The following CEACAM18 variants were observed in gnomAD, a reference collection of about 807,000 sequenced individuals.
CEACAM18 encodes cell adhesion molecule CEACAM18.
Under a neutral mutation model 34.3 loss-of-function variants are expected in CEACAM18, and 33 were observed. The ratio of observed to expected loss-of-function variants is 0.96; its 90% CI spans 0.73 to 1.29. The LOEUF (loss-of-function observed/expected upper bound fraction) is 1.29. CEACAM18 is among the 50% of genes most tolerant of loss of function. The probability of loss-of-function intolerance (pLI) is 0.00; values close to 1 mark genes in which losing one functional copy is unlikely to be tolerated. For missense variants in CEACAM18, 474 were observed against 485.0 expected (o/e 0.98, Z 0.21); for synonymous variants, 169 against 180.9 (o/e 0.93, Z 0.53).
chr19:51,486,884 A>T (rs758795987), intron 5 of CEACAM18, among the ~76,000 whole-genome samples: 107 of 147,296 alleles, frequency 7.3e-4, no homozygotes, highest in Non-Finnish European at 1.2e-3. Context: ...CACCTGGCTA[A>T]TTTTTTTGTT....
At chr19:51,488,039 A>G (rs186517759) in intron 5 of CEACAM18, among the ~76,000 whole-genome samples, 4 of 152,338 alleles carry the variant, frequency 2.6e-5, no homozygotes, top group Admixed American at 2.6e-4. Context: ...GAGTAAAAAC[A>G]AAACCAAACA....
chr19:51,488,061 A>C (rs1308012753), intron 5 of CEACAM18, among the ~76,000 whole-genome samples: 2 of 152,184 alleles, frequency 1.3e-5, no homozygotes, highest in Non-Finnish European at 2.9e-5. Context: ...AACCAGAAAA[A>C]GTAGAAAGAG....
At chr19:51,480,505 C>T in exon 2 of CEACAM18, 1 of 1,613,946 alleles carries the variant, frequency 6.2e-7, no homozygotes, top group Non-Finnish European at 8.5e-7. Flanking sequence ...TGATTATCAG[C>T]CACAAACCGC....
chr19:51,481,296 G>T, intron 2 of CEACAM18, 97 bp from the exon 3 acceptor site: 2 of 1,321,434 alleles, frequency 1.5e-6, no homozygotes, highest in South Asian at 1.4e-5. Flanking sequence ...ACAGCTCTTG[G>T]CTTCTCTCCA....
intron 4 of CEACAM18, among the ~76,000 whole-genome samples, chr19:51,483,748 T>C (rs1438482681): frequency 6.6e-6 from 1 of 152,140 alleles, no homozygotes; most frequent in Non-Finnish European, 1.5e-5. Context: ...CCTCAACTGC[T>C]CCCTTCAGCT....
chr19:51,480,976 C>A (rs540394760), intron 2 of CEACAM18, among the ~76,000 whole-genome samples: 4 of 152,260 alleles, frequency 2.6e-5, no homozygotes, highest in Admixed American at 6.5e-5. Context: ...TGGGGAGGAA[C>A]CCACCATTGT....
chr19:51,486,710 C>CTTTTTT (rs1327201659), intron 5 of CEACAM18, among the ~76,000 whole-genome samples: 46 of 144,492 alleles, frequency 3.2e-4, no homozygotes, highest in African/African-American at 4.2e-4. Context: ...TTCTTTCTTT[C>CTTTTTT]TTTCTTTTCT....
intron 5 of CEACAM18, 121 bp downstream of exon 5, chr19:51,485,243 G>T (rs1265085769): frequency 1.8e-5 from 18 of 1,025,002 alleles, no homozygotes; most frequent in East Asian, 2.7e-5. Flanking sequence ...GAACTAGGTT[G>T]TCAGGGATCA....
intron 5 of CEACAM18, among the ~76,000 whole-genome samples, chr19:51,488,191 G>A (rs1462203776): frequency 6.6e-6 from 1 of 152,176 alleles, no homozygotes; most frequent in Non-Finnish European, 1.5e-5. Context: ...AGAGAAAAGG[G>A]GATTGCAAAA....
exon 6 of CEACAM18, chr19:51,490,826 A>T: frequency 2.5e-6 from 1 of 395,638 alleles, no homozygotes; most frequent in Non-Finnish European, 4.4e-6. Flanking sequence ...CCTGAAGATG[A>T]TGTCGTGGGT....
chr19:51,483,101 T>G (rs758992044), exon 4 of CEACAM18: 1 of 1,614,000 alleles, frequency 6.2e-7, no homozygotes, highest in South Asian at 1.1e-5. Flanking sequence ...CAAGTGGAAA[T>G]GGAGTGTATC....
At chr19:51,478,592 G>A (rs373977687), upstream of CEACAM18, 101 of 1,503,678 alleles carry the variant, frequency 6.7e-5, no homozygotes, top group Non-Finnish European at 8.1e-5. Context: ...AGCAGAGGAG[G>A]TGGCTGTGTC....
At chr19:51,483,183 G>T in exon 4 of CEACAM18, 1 of 1,613,984 alleles carries the variant, frequency 6.2e-7, no homozygotes, top group Non-Finnish European at 8.5e-7. Flanking sequence ...CAGATGCAAA[G>T]ATGAACCTCT....
chr19:51,484,768 T>C (rs34407829), intron 4 of CEACAM18, among the ~76,000 whole-genome samples: 29,886 of 152,154 alleles, frequency 0.2, 3,092 homozygotes, highest in Middle Eastern at 0.36. Flanking sequence ...ATCTCTTTGC[T>C]TAATTGTCCA....
chr19:51,486,676 T>C lies in CEACAM18; in HGVS notation c.1089+1554T>C, dbSNP rs1029267101. On this transcript the variant is annotated intron_variant, in intron 5 of 5. Transcript: ENST00000396477. ...TCCTGCAGAACAAAACTTTTGTTTATTGAGCTAATTTTCTTTTTTCTTTTT... is the reference window on the plus strand; with the variant it reads ...TCCTGCAGAACAAAACTTTTGTTTACTGAGCTAATTTTCTTTTTTCTTTTT... Among the ~76,000 whole-genome samples, 3 of 152,164 alleles carry C rather than the reference T, an allele frequency of 2.0e-5. No homozygotes were observed. The East Asian group carries it at 5.8e-4, about 29-fold the overall frequency.
chr19:51,488,740 G>A (rs2122194321), intron 5 of CEACAM18, among the ~76,000 whole-genome samples: 1 of 152,254 alleles, frequency 6.6e-6, no homozygotes, highest in Middle Eastern at 3.4e-3. Context: ...CCAGAGTTTG[G>A]AGTGGGGCAG....
chr19:51,480,309 G>T (rs1438900266), intron 1 of CEACAM18, 24 bp from the exon 2 acceptor site: 1 of 1,542,388 alleles, frequency 6.5e-7, no homozygotes, highest in Non-Finnish European at 8.8e-7. Flanking sequence ...ATTTCTCTCT[G>T]TCTTTTTTCC....
chr19:51,483,109 A>C (rs1468990770), exon 4 of CEACAM18: 2 of 1,614,030 alleles, frequency 1.2e-6, no homozygotes, highest in African/African-American at 1.3e-5. Flanking sequence ...AATGGAGTGT[A>C]TCTGCTATTC....
rs964635691 is a variant in CEACAM18, at chr19:51,478,824, G to C, written c.52+130G>C. 1.0e-4 allele frequency: 62 copies of C among 614,278 alleles called. No homozygotes were observed. The South Asian group carries it at 2.0e-3, about 20-fold the overall frequency. The allele number at this position is 614,278 out of a possible 1,614,324, so 38.1% of individuals were successfully genotyped here. ...TCAAGAAACTCCCAGAGCAGGGGTC[G>C]GGGAGAGGAGAAGGGGGAGGACCCT... On this transcript the variant is annotated intron_variant, in intron 1 of 5. Coordinates refer to ENST00000396477, the Ensembl canonical transcript of CEACAM18.
Sources: gnomAD v4.1 joint callset for allele counts (sites outside exome capture counted in the v4.1 genomes callset) on GRCh38, gnomAD v4.1.1 for gene constraint, MANE v1.5 for transcripts, NCBI Gene and HGNC (gene_info 2026-07-23, HGNC 2026-07-21) for gene names.